Variants in AKT1 observed in about 807,000 individuals in gnomAD.
The protein encoded by AKT1 is RAC-alpha serine/threonine-protein kinase.
In AKT1, 21 loss-of-function variants were observed where a neutral mutation model predicts 63.1. The observed-to-expected ratio is 0.33, with a 90% CI of 0.24 to 0.48. The LOEUF (loss-of-function observed/expected upper bound fraction) is 0.48. Among genes scored for constraint, AKT1 ranks in the 20% least tolerant of loss-of-function variants. The pLI is 0.99. For synonymous variants in AKT1, 257 were observed against 253.1 expected, an observed-to-expected ratio of 1.02 and a Z score of -0.15; for missense variants, 382 against 666.0, an observed-to-expected ratio of 0.57 and a Z score of 4.69.
At chr14:104,792,751 A>G in intron 2 of AKT1, 29 bp from the exon 3 acceptor site, 1 of 1,398,232 alleles carries the variant, frequency 7.2e-7, no homozygotes, top group Non-Finnish European at 1.0e-6. Flanking sequence ...GCTGAATGTG[A>G]GGCCACGCCT....
At chr14:104,776,821 G>T in intron 4 of AKT1, 51 bp from the exon 5 acceptor site, 1 of 1,534,946 alleles carries the variant, frequency 6.5e-7, no homozygotes. Context: ...CCCCTCCCAG[G>T]GCCCTCACCA....
intron 8 of AKT1, chr14:104,774,723 C>T: frequency 1.7e-6 from 1 of 600,854 alleles, no homozygotes; most frequent in Non-Finnish European, 2.9e-6. Flanking sequence ...GCCCCACCCA[C>T]CTGCCCGCAC....
rs940038053 is a variant in AKT1, at chr14:104,776,010, C to A, written c.288-211G>T. On this transcript the variant is annotated intron_variant, in intron 5 of 14. Coordinates refer to ENST00000649815, the MANE Select transcript of AKT1 (RefSeq NM_001382430.1). Reference sequence around the variant, plus strand: ...ACGTGGGGGACACCCAGGCTTAGCCCCCCAGCAGGACTCTGTCCCCACAAC... The same window carrying A: ...ACGTGGGGGACACCCAGGCTTAGCCACCCAGCAGGACTCTGTCCCCACAAC... 5.2e-6 allele frequency: 3 copies of A among 576,232 alleles called. No homozygotes were observed. The African/African-American group carries it at 5.7e-5, about 11-fold the overall frequency. 35.7% of individuals were successfully genotyped at this position (576,232 alleles called of 1,614,324 possible). A position where few individuals can be genotyped will look rare whatever the true frequency, so the allele number is the denominator to read the frequency against.
At position 104,792,917 on chromosome 14, in the gene AKT1, G is replaced by C. The variant is rs1595265500; in HGVS notation, c.-79-195C>G. 5 of 587,274 alleles carry C rather than the reference G, an allele frequency of 8.5e-6. No individual in the cohort carries two copies. In the East Asian group the frequency reaches 1.4e-4, roughly 16 times the overall value. The allele number at this position is 587,274 out of a possible 1,614,324, so 36.4% of individuals were successfully genotyped here. A position where few individuals can be genotyped will look rare whatever the true frequency, so the allele number is the denominator to read the frequency against. On this transcript the variant is annotated intron_variant, in intron 2 of 14. Transcript: ENST00000649815. ...CTTCCCTCTCCCCAAAACACTCAGG[G>C]CTGCCAAGTGTCAAATCCATGTAAT... is the stretch of plus-strand genomic sequence containing the variant.
At chr14:104,785,899 T>C (rs918646387) in intron 3 of AKT1, among the ~76,000 whole-genome samples, 3 of 152,000 alleles carry the variant, frequency 2.0e-5, no homozygotes, top group Non-Finnish European at 4.4e-5. Context: ...GGGTCTCAGC[T>C]TTCCATTCTC....
At chr14:104,774,062 G>A in intron 8 of AKT1, 82 bp from the exon 9 acceptor site, 1 of 1,367,174 alleles carries the variant, frequency 7.3e-7, no homozygotes, top group Non-Finnish European at 1.0e-6. Flanking sequence ...CACGCTGCTT[G>A]ATACCACGTC....
Position 104,771,524 on chromosome 14 carries a change from GC to G in AKT1, c.1261-678del, listed in dbSNP as rs1476213383. 3.0e-5 allele frequency: 7 copies of G among 232,214 alleles called. No homozygotes were observed. The East Asian group carries it at 3.7e-4, about 12-fold the overall frequency. The allele number at this position is 232,214 out of a possible 1,614,324, so 14.4% of individuals were successfully genotyped here. On this transcript the variant is annotated intron_variant, in intron 13 of 14. Coordinates refer to ENST00000649815, the MANE Select transcript of AKT1 (RefSeq NM_001382430.1). ...TGGGCAGAGGTTGAGCACTGCCCAGGCCCCCCATACCCTTGGAGGGCAGGGC... is the reference window on the plus strand; with the variant it reads ...TGGGCAGAGGTTGAGCACTGCCCAGGCCCCCATACCCTTGGAGGGCAGGGC...
chr14:104,789,540 G>T (rs1279810234), intron 3 of AKT1, among the ~76,000 whole-genome samples: 1 of 152,272 alleles, frequency 6.6e-6, no homozygotes, highest in Non-Finnish European at 1.5e-5. Flanking sequence ...TGGAGGCCGA[G>T]TTCAGCCAGA....
At chr14:104,789,181 A>G (rs1893497216) in intron 3 of AKT1, among the ~76,000 whole-genome samples, 1 of 151,702 alleles carries the variant, frequency 6.6e-6, no homozygotes, top group South Asian at 2.1e-4. Flanking sequence ...GCCGGCACCC[A>G]CTCCTGGCCT....
At chr14:104,785,698 G>C (rs1341663385) in intron 3 of AKT1, among the ~76,000 whole-genome samples, 4 of 152,150 alleles carry the variant, frequency 2.6e-5, no homozygotes, top group African/African-American at 9.7e-5. Flanking sequence ...CCAAGGCAGG[G>C]GTTGTAACTT....
intron 12 of AKT1, 24 bp downstream of exon 12, chr14:104,772,854 G>A (rs747575253): frequency 5.9e-5 from 94 of 1,594,320 alleles, no homozygotes; most frequent in Non-Finnish European, 7.8e-5. Flanking sequence ...GGTGTAGCCT[G>A]TAGCTGGGAT....
intron 8 of AKT1, chr14:104,774,182 GCCCCACACCATACAC>G (rs1257872684): frequency 3.8e-6 from 2 of 524,854 alleles, no homozygotes; most frequent in Non-Finnish European, 6.7e-6. Context: ...CCATCACACT[GCCCCACACCATACAC>G]CCCCACATCA....
At chr14:104,775,043 C>G in intron 7 of AKT1, 33 bp downstream of exon 7, 1 of 1,613,388 alleles carries the variant, frequency 6.2e-7, no homozygotes, top group Non-Finnish European at 8.5e-7. Flanking sequence ...CCCGCACCCT[C>G]ATCTCCACCC....
In AKT1 at chr14:104,774,941, G is replaced by A; in HGVS notation, c.630C>T (p.Leu210=). 1.2e-6 allele frequency: 2 copies of A among 1,611,758 alleles called. No individual in the cohort carries two copies. The highest frequency in any genetic ancestry group is 8.5e-7 in the Non-Finnish European group (1 of 1,179,370). The change falls in exon 8 of 15, where the codon CTC becomes CTT. Residue 210 remains leucine (L), a synonymous_variant. Coordinates refer to ENST00000649815, the MANE Select transcript of AKT1 (RefSeq NM_001382430.1). ...CCCCATCTGGGCTCCCACTCACTGTGAGGAAGGGGTGCCTGGAGTTCTGCA... is the reference window on the plus strand; with the variant it reads ...CCCCATCTGGGCTCCCACTCACTGTAAGGAAGGGGTGCCTGGAGTTCTGCA... The part of the protein sequence containing the change: ...RVLQNSRHPF[L]TALKYSFQTH...
chr14:104,772,166 G>A (rs1276817820), intron 13 of AKT1, 199 bp downstream of exon 13: 1 of 620,548 alleles, frequency 1.6e-6, no homozygotes, highest in Admixed American at 2.7e-5. Context: ...CAGTTTCCTG[G>A]TGGAACCCGG....
chr14:104,770,980 C>T, intron 13 of AKT1, 133 bp from the exon 14 acceptor site: 2 of 744,136 alleles, frequency 2.7e-6, no homozygotes, highest in Non-Finnish European at 4.5e-6. Context: ...CAGAGAGCAG[C>T]AAGCCACCAG....
intron 3 of AKT1, among the ~76,000 whole-genome samples, chr14:104,789,580 A>T (rs932269751): frequency 6.6e-6 from 1 of 152,244 alleles, no homozygotes; most frequent in African/African-American, 2.4e-5. Context: ...TTGATTTTTT[A>T]AAATTGTCAG....
chr14:104,771,100 G>A (rs989109891), intron 13 of AKT1: 41 of 517,048 alleles, frequency 7.9e-5, no homozygotes, highest in East Asian at 1.9e-4. Context: ...CCCAGCAGGC[G>A]ACAGGAGGTA....
intron 3 of AKT1, 46 bp downstream of exon 3, chr14:104,792,552 C>T (rs1893681906): frequency 1.0e-5 from 16 of 1,607,486 alleles, no homozygotes; most frequent in Non-Finnish European, 1.3e-5. Flanking sequence ...GGGCTACTAC[C>T]CCCATCTCTC....
Sources: gnomAD v4.1 joint callset for allele counts (sites outside exome capture counted in the v4.1 genomes callset) on GRCh38, gnomAD v4.1.1 for gene constraint, MANE v1.5 for transcripts, NCBI Gene and HGNC (gene_info 2026-07-23, HGNC 2026-07-21) for gene names.